Variants in NECAB2 observed in about 807,000 individuals in gnomAD.
The protein encoded by NECAB2 is N-terminal EF-hand calcium-binding protein 2.
In NECAB2, 68 loss-of-function variants were observed where a neutral mutation model predicts 51.9. That is an observed-to-expected ratio of 1.31 (90% confidence interval 1.08 to 1.60). The LOEUF is 1.60. Among genes scored for constraint, NECAB2 ranks in the 40% most tolerant of loss-of-function variants. NECAB2 has a pLI of 0.00. For synonymous variants in NECAB2, 329 were observed against 203.5 expected (o/e 1.62, Z -5.25); for missense variants, 854 against 490.3 (o/e 1.74, Z -7.00).
In NECAB2 at chr16:83,990,615, A is replaced by C; in HGVS notation, c.581A>C (p.Gln194Pro). ...VESAVEAIEE[Q>P]TSQLRQNHIK... ...AGTGCGGTGGAGGCCATCGAGGAAC[A>C]GACCAGCCAGCTCCGGTGAGTCTCT... Residue 194 changes from glutamine to proline, a missense_variant, in exon 6 of 13, where the codon CAG becomes CCG. Coordinates refer to ENST00000305202, the MANE Select transcript of NECAB2 (RefSeq NM_019065.3). The C allele has an allele frequency of 6.2e-7, 1 of 1,614,096 alleles. No individual in the cohort carries two copies. The highest frequency in any genetic ancestry group is 8.5e-7 in the Non-Finnish European group (1 of 1,180,020).
rs571584942 is a variant in NECAB2, at chr16:83,987,988, C to G, written c.460-2506C>G. 2.6e-5 allele frequency among the ~76,000 whole-genome samples: 4 copies of G among 152,268 alleles called. No homozygotes were observed. In the South Asian group the frequency reaches 6.2e-4, roughly 24 times the overall value. On this transcript the variant is annotated intron_variant, in intron 5 of 12. Transcript: ENST00000305202. ...ATGCCTTTTATCATTATATTCCTAC[C>G]TTTCTTGGGCAGTACTTTCTCATTT...
At chr16:83,965,815 G>A (rs2084273675), upstream of NECAB2, 16 of 1,612,920 alleles carry the variant, frequency 9.9e-6, no homozygotes, top group Non-Finnish European at 1.4e-5. Context: ...ACTTTGCAGT[G>A]GATCCTGACC....
chr16:84,002,635 GCCACGCATGAC>G lies in NECAB2; in HGVS notation c.*294_*304del, dbSNP rs2084861850. On this transcript the variant is annotated 3_prime_UTR_variant, in exon 13 of 13. Coordinates refer to ENST00000305202, the MANE Select transcript of NECAB2 (RefSeq NM_019065.3). ...TGGCCTCTCCCCTACCCCTCACATG[GCCACGCATGAC>G]CCACACTGACCACACCCTGCCCTCT... is the stretch of plus-strand genomic sequence containing the variant. The G allele has an allele frequency of 1.9e-6, 1 of 534,610 alleles. No individual in the cohort carries two copies. The allele number at this position is 534,610 out of a possible 1,614,324, so 33.1% of individuals were successfully genotyped here.
chr16:83,992,517 C>T lies in NECAB2; in HGVS notation c.597-1785C>T, dbSNP rs58157053. Reference sequence around the variant, plus strand: ...TGAGGGAAACAGCCAGGTGTCGGCACCCAAGCTCGATTGAGCCCTTAATTT... The same window carrying T: ...TGAGGGAAACAGCCAGGTGTCGGCATCCAAGCTCGATTGAGCCCTTAATTT... On this transcript the variant is annotated intron_variant, in intron 6 of 12. Transcript: ENST00000305202. 7.4e-3 allele frequency among the ~76,000 whole-genome samples: 1,121 copies of T among 152,194 alleles called. 10 individuals carry two copies. The highest frequency in any genetic ancestry group is 0.025 in the African/African-American group (1,032 of 41,508).
chr16:83,998,055 GTCCATTCTTA>G, intron 9 of NECAB2, 140 bp from the exon 10 acceptor site: 1 of 687,648 alleles, frequency 1.5e-6, no homozygotes, highest in Non-Finnish European at 2.4e-6. Flanking sequence ...CCCATTTTTA[GTCCATTCTTA>G]TCCATTCATG....
At chr16:83,977,802 A>T (rs376220742) in intron 2 of NECAB2, among the ~76,000 whole-genome samples, 1 of 152,196 alleles carries the variant, frequency 6.6e-6, no homozygotes, top group Non-Finnish European at 1.5e-5. Flanking sequence ...AGTTTGCCAC[A>T]TAGATGGGGC....
chr16:83,992,437 T>C (rs188648731), intron 6 of NECAB2, among the ~76,000 whole-genome samples: 1 of 148,070 alleles, frequency 6.8e-6, no homozygotes, highest in East Asian at 2.0e-4. Flanking sequence ...TGCTCAGTTC[T>C]TCCCAGAACA....
Position 83,990,618 on chromosome 16 carries a change from C to A in NECAB2, c.584C>A (p.Thr195Asn). 1 of 1,614,022 alleles carries A rather than the reference C, an allele frequency of 6.2e-7. No homozygotes were observed. Among genetic ancestry groups the A allele is most frequent in the East Asian group, 2.2e-5 (1 of 44,846 alleles). ...GCGGTGGAGGCCATCGAGGAACAGA[C>A]CAGCCAGCTCCGGTGAGTCTCTGAG... Reference protein sequence around the residue: ...ESAVEAIEEQTSQLRQNHIKP... With the variant: ...ESAVEAIEEQNSQLRQNHIKP... Residue 195 changes from threonine (T) to asparagine (N), a missense_variant, in exon 6 of 13, where the codon ACC (threonine) becomes AAC (asparagine). By Grantham distance (65) the Thr-to-Asn change is moderately conservative. Coordinates refer to ENST00000305202, the MANE Select transcript of NECAB2 (RefSeq NM_019065.3).
At position 83,990,587 on chromosome 16, in the gene NECAB2, G is replaced by A; in HGVS notation, c.553G>A (p.Glu185Lys). ...GATCCAGTCGCTGCTGAGCTCAGTG[G>A]AGAGTGCGGTGGAGGCCATCGAGGA... The part of the protein sequence containing the change: ...NQIQSLLSSV[E>K]SAVEAIEEQT... Residue 185 changes from glutamate to lysine, a missense_variant, in exon 6 of 13, where the codon GAG becomes AAG. By Grantham distance (56) the Glu-to-Lys change is moderately conservative. Coordinates refer to ENST00000305202, the MANE Select transcript of NECAB2 (RefSeq NM_019065.3). The A allele has an allele frequency of 6.2e-7, 1 of 1,614,130 alleles. No individual in the cohort carries two copies. Among genetic ancestry groups the A allele is most frequent in the Non-Finnish European group, 8.5e-7 (1 of 1,180,032 alleles).
At chr16:83,987,868 G>T (rs1414129864) in intron 5 of NECAB2, among the ~76,000 whole-genome samples, 1 of 152,174 alleles carries the variant, frequency 6.6e-6, no homozygotes, top group Non-Finnish European at 1.5e-5. Context: ...GAGCAAAATG[G>T]CTACATAAGA....
At chr16:83,969,830 GTGAA>G (rs2084329427) in intron 1 of NECAB2, among the ~76,000 whole-genome samples, 1 of 152,174 alleles carries the variant, frequency 6.6e-6, no homozygotes, top group Non-Finnish European at 1.5e-5. Context: ...GTGGGTGTGT[GTGAA>G]TGTGCACACG....
intron 1 of NECAB2, 68 bp from the exon 2 acceptor site, chr16:83,972,083 G>C: frequency 6.3e-7 from 1 of 1,596,752 alleles, no homozygotes; most frequent in Admixed American, 1.7e-5. Flanking sequence ...CCCAGTATCC[G>C]GTCAGAGGCT....
At chr16:83,984,720 C>T (rs2084530855) in intron 5 of NECAB2, among the ~76,000 whole-genome samples, 1 of 152,074 alleles carries the variant, frequency 6.6e-6, no homozygotes, top group Non-Finnish European at 1.5e-5. Context: ...ACAAGAGAAA[C>T]CCTGTCTCTC....
intron 9 of NECAB2, among the ~76,000 whole-genome samples, chr16:83,997,836 C>T (rs1448148430): frequency 1.3e-5 from 2 of 152,112 alleles, no homozygotes. Flanking sequence ...TGGCATAGAG[C>T]AAAGTGATCA....
In NECAB2 at chr16:84,002,478, T is replaced by G; in HGVS notation, c.*132T>G. 1 of 1,256,170 alleles carries G rather than the reference T, an allele frequency of 8.0e-7. No individual in the cohort carries two copies. Among genetic ancestry groups the G allele is most frequent in the East Asian group, 2.4e-5 (1 of 42,392 alleles). 77.8% of individuals were successfully genotyped at this position (1,256,170 alleles called of 1,614,324 possible). A position where few individuals can be genotyped will look rare whatever the true frequency, so the allele number is the denominator to read the frequency against. ...CATCCTCCACAAGAAGGTGTTTCCC[T>G]GTTGTTAAGTGAAGGAGGCCGCCCC... is the stretch of plus-strand genomic sequence containing the variant. On this transcript the variant is annotated 3_prime_UTR_variant, in exon 13 of 13. Coordinates refer to ENST00000305202, the MANE Select transcript of NECAB2 (RefSeq NM_019065.3).
upstream of NECAB2, chr16:83,965,656 C>A (rs35132222): frequency 0.13 from 203,352 of 1,613,410 alleles, 14,089 homozygotes; most frequent in Non-Finnish European, 0.14. Flanking sequence ...ACCGCAGCCT[C>A]CCCAGGCACC....
At position 84,000,766 on chromosome 16, in the gene NECAB2, CTA is replaced by C. The variant is rs773334828; in HGVS notation, c.1007_1008del (p.Tyr336Ter). On this transcript the variant is annotated frameshift_variant, in exon 11 of 13. Coordinates refer to ENST00000305202, the MANE Select transcript of NECAB2 (RefSeq NM_019065.3). LOFTEE classifies it high-confidence loss of function. Reference protein sequence around the residue: ...RLSDGFTFVIYEFWETEEAWK... With the variant: ...RLSDGFTFVIXEFWETEEAWK... ...TCTCAGATGGCTTCACCTTTGTCAT[CTA>C]TGAGTTCTGGGAGACAGAGGAGGCG... 2 of 1,613,858 alleles carry C rather than the reference CTA, an allele frequency of 1.2e-6. No homozygotes were observed. The highest frequency in any genetic ancestry group is 1.1e-5 in the South Asian group (1 of 91,074).
chr16:83,994,841 C>T (rs949382822), intron 8 of NECAB2, among the ~76,000 whole-genome samples, 153 bp downstream of exon 8: 1 of 152,154 alleles, frequency 6.6e-6, no homozygotes, highest in East Asian at 1.9e-4. Context: ...CTGCCGAGGA[C>T]GAAGCTAAGG....
rs144515955 is a variant in NECAB2, at chr16:83,990,628, C to G, written c.594C>G (p.Leu198=). Residue 198 remains leucine, a splice_region_variant and synonymous_variant, in exon 6 of 13, where the codon CTC becomes CTG. Coordinates refer to ENST00000305202, the MANE Select transcript of NECAB2 (RefSeq NM_019065.3). ...CCATCGAGGAACAGACCAGCCAGCTCCGGTGAGTCTCTGAGACCCTGCAGG... is the reference window on the plus strand; with the variant it reads ...CCATCGAGGAACAGACCAGCCAGCTGCGGTGAGTCTCTGAGACCCTGCAGG... ...VEAIEEQTSQ[L]RQNHIKPSHS... The G allele has an allele frequency of 4.8e-5, 77 of 1,613,920 alleles. No individual in the cohort carries two copies. The highest frequency in any genetic ancestry group is 6.4e-5 in the Non-Finnish European group (76 of 1,180,034).
Sources: allele counts gnomAD v4.1 joint callset (sites outside exome capture counted in the v4.1 genomes callset), GRCh38; gene constraint gnomAD v4.1.1; transcripts MANE v1.5; gene names NCBI Gene and HGNC (gene_info 2026-07-23, HGNC 2026-07-21).